UGT1A7: variants seen among roughly 807,000 people sequenced by gnomAD.
UGT1A7 encodes UDP-glucuronosyltransferase 1A7.
In UGT1A7, 33 loss-of-function variants were observed where a neutral mutation model predicts 45.6. The ratio of observed to expected loss-of-function variants is 0.72; its 90% CI spans 0.55 to 0.97. The LOEUF (loss-of-function observed/expected upper bound fraction) is 0.97, where lower values mean the gene tolerates loss of function less well. UGT1A7 is among the 50% of genes least tolerant of loss of function. The probability of loss-of-function intolerance (pLI) is 0.00; values close to 1 mark genes in which losing one functional copy is unlikely to be tolerated. For synonymous variants in UGT1A7, 274 were observed against 250.6 expected (o/e 1.09, Z -0.88); for missense variants, 684 against 666.2 (o/e 1.03, Z -0.29).
intron 1 of UGT1A7, among the ~76,000 whole-genome samples, chr2:233,757,562 G>GATATATATATATATA (rs1696648748): frequency 1.1e-5 from 1 of 90,870 alleles, no homozygotes; most frequent in Non-Finnish European, 2.1e-5. Context: ...ATATATATAT[G>GATATATATATATATA]TATATATGAT....
At chr2:233,733,982 G>A (rs1360923030) in intron 1 of UGT1A7, among the ~76,000 whole-genome samples, 2 of 152,070 alleles carry the variant, frequency 1.3e-5, no homozygotes, top group Non-Finnish European at 2.9e-5. Flanking sequence ...GGGAGGGATA[G>A]CATTAGGAGA....
rs143254112 is a variant in UGT1A7 at position 233,713,145 on chromosome 2, C to T, written c.855+30353C>T. The T allele has an allele frequency of 2.8e-5, 45 of 1,614,224 alleles. No individual in the cohort carries two copies. In the African/African-American group the frequency reaches 5.5e-4, roughly 20 times the overall value. Reference sequence around the variant, plus strand: ...CATGCGGGAGGCCTTGCGGGACCTCCATGCGAGAGGCCACCAGGTGGTGGT... The same window carrying T: ...CATGCGGGAGGCCTTGCGGGACCTCTATGCGAGAGGCCACCAGGTGGTGGT... On this transcript the variant is annotated intron_variant, in intron 1 of 4. Coordinates refer to ENST00000373426, the MANE Select transcript of UGT1A7 (RefSeq NM_019077.3).
chr2:233,723,718 G>A (rs1250087108), intron 1 of UGT1A7, among the ~76,000 whole-genome samples: 1 of 83,498 alleles, frequency 1.2e-5, no homozygotes, highest in African/African-American at 6.1e-5. Context: ...TGAGATTAGG[G>A]ATTGGTGATG....
chr2:233,686,085 T>C (rs534797279), intron 1 of UGT1A7, among the ~76,000 whole-genome samples: 31 of 152,310 alleles, frequency 2.0e-4, no homozygotes, highest in Non-Finnish European at 3.1e-4. Flanking sequence ...GACAACTGCA[T>C]ATCCAAGTCC....
intron 1 of UGT1A7, among the ~76,000 whole-genome samples, chr2:233,735,339 T>TG (rs1286077352): frequency 6.6e-6 from 1 of 151,862 alleles, no homozygotes; most frequent in African/African-American, 2.4e-5. Flanking sequence ...AACCCCTGCT[T>TG]TTTTTTTGCT....
intron 1 of UGT1A7, among the ~76,000 whole-genome samples, chr2:233,727,107 A>G (rs879349742): frequency 4.6e-5 from 7 of 152,176 alleles, no homozygotes; most frequent in Non-Finnish European, 7.3e-5. Flanking sequence ...TTGTGTGTTT[A>G]GGTCTGTGAG....
chr2:233,707,013 C>A (rs1559354964), intron 1 of UGT1A7, among the ~76,000 whole-genome samples: 1 of 152,150 alleles, frequency 6.6e-6, no homozygotes, highest in Non-Finnish European at 1.5e-5. Flanking sequence ...ACCTAGGATC[C>A]ATGGTCAGCC....
chr2:233,735,701 C>T (rs2078683713), intron 1 of UGT1A7, among the ~76,000 whole-genome samples: 1 of 151,894 alleles, frequency 6.6e-6, no homozygotes, highest in South Asian at 2.1e-4. Flanking sequence ...GTAAGGCAGG[C>T]CTGGTGGTGA....
chr2:233,738,870 C>T (rs1316553020), intron 1 of UGT1A7: 1 of 152,192 alleles, frequency 6.6e-6, no homozygotes, highest in Admixed American at 6.5e-5. Context: ...GAAAATGGCT[C>T]CAGGGCATGT....
chr2:233,766,546 G>A (rs1699179284), intron 1 of UGT1A7, among the ~76,000 whole-genome samples: 1 of 152,192 alleles, frequency 6.6e-6, no homozygotes, highest in Admixed American at 6.5e-5. Flanking sequence ...AAAAATGCCT[G>A]TCCTCACCTA....
intron 1 of UGT1A7, among the ~76,000 whole-genome samples, chr2:233,706,419 C>T (rs1315214642): frequency 6.6e-6 from 1 of 152,228 alleles, no homozygotes; most frequent in Admixed American, 6.5e-5. Flanking sequence ...TTCACGTGGT[C>T]TTTCAGCCAC....
intron 1 of UGT1A7, among the ~76,000 whole-genome samples, chr2:233,762,131 A>T (rs1026156979): frequency 6.6e-6 from 1 of 152,036 alleles, no homozygotes; most frequent in East Asian, 1.9e-4. Context: ...CCATGTGGGG[A>T]CCTGTGTGAC....
intron 1 of UGT1A7, among the ~76,000 whole-genome samples, chr2:233,706,279 T>C (rs923894303): frequency 6.6e-6 from 1 of 151,976 alleles, no homozygotes; most frequent in Admixed American, 6.6e-5. Context: ...ACCTCAGGGG[T>C]GGGGCCCAGT....
intron 1 of UGT1A7, among the ~76,000 whole-genome samples, chr2:233,722,841 G>GTT (rs1454578940): frequency 8.8e-6 from 1 of 113,218 alleles, no homozygotes. Context: ...TAATAAGAAT[G>GTT]TTTCTTTTTT....
At chr2:233,683,872 C>T (rs2074654368) in intron 1 of UGT1A7, among the ~76,000 whole-genome samples, 1 of 152,052 alleles carries the variant, frequency 6.6e-6, no homozygotes, top group South Asian at 2.1e-4. Flanking sequence ...GCAAATTATT[C>T]CCTCCCCTGG....
intron 1 of UGT1A7, among the ~76,000 whole-genome samples, chr2:233,765,711 T>TTAATAATAA (rs10664358): frequency 0.012 from 1,790 of 149,272 alleles, 15 homozygotes; most frequent in Middle Eastern, 0.045. Context: ...ATAATAATAA[T>TTAATAATAA]TAATAATAAT....
chr2:233,755,908 T>G (rs1323849198), intron 1 of UGT1A7: 1 of 151,610 alleles, frequency 6.6e-6, no homozygotes, highest in African/African-American at 2.4e-5. Flanking sequence ...CAAAATGTAG[T>G]GAGAAGAGTG....
chr2:233,682,767 G>C lies in UGT1A7; in HGVS notation c.830G>C (p.Cys277Ser). ...PNMIFIGGIN[C>S]HQGKPVPMEF... is the part of the protein sequence containing the mutation. Reference sequence around the variant, plus strand: ...ATGATCTTCATTGGTGGTATCAACTGTCATCAGGGAAAGCCAGTGCCTATG... The same window carrying C: ...ATGATCTTCATTGGTGGTATCAACTCTCATCAGGGAAAGCCAGTGCCTATG... Residue 277 changes from cysteine (C) to serine (S), a missense_variant, in exon 1 of 5, where the codon TGT becomes TCT. By Grantham distance (112) the Cys-to-Ser change is moderately radical (BLOSUM62 -1). Transcript: ENST00000373426. 1 of 1,613,624 alleles carries C rather than the reference G, an allele frequency of 6.2e-7. No individual in the cohort carries two copies. Among genetic ancestry groups the C allele is most frequent in the Admixed American group, 1.7e-5 (1 of 60,012 alleles).
intron 1 of UGT1A7, among the ~76,000 whole-genome samples, chr2:233,694,477 G>C (rs1005897043): frequency 3.3e-5 from 5 of 152,126 alleles, no homozygotes; most frequent in Non-Finnish European, 7.4e-5. Flanking sequence ...TATGGCCTCT[G>C]ACCTAAGACA....
Sources: allele counts gnomAD v4.1 joint callset (sites outside exome capture counted in the v4.1 genomes callset), GRCh38; gene constraint gnomAD v4.1.1; transcripts MANE v1.5; gene names NCBI Gene and HGNC (gene_info 2026-07-23, HGNC 2026-07-21).